ALDH3A1: variants seen among roughly 807,000 people sequenced by gnomAD.
ALDH3A1 encodes aldehyde dehydrogenase 3 family member A1.
A neutral mutation model predicts 49.9 loss-of-function variants in ALDH3A1; 46 were observed. That is an observed-to-expected ratio of 0.92 (90% confidence interval 0.73 to 1.18). The LOEUF is 1.18. Among genes scored for constraint, ALDH3A1 ranks in the 50% most tolerant of loss-of-function variants. The pLI is 0.00. For missense variants in ALDH3A1, 592 were observed against 611.8 expected (o/e 0.97, Z 0.34); for synonymous variants, 269 against 253.3 (o/e 1.06, Z -0.59).
chr17:19,744,743 C>T, intron 2 of ALDH3A1: 1 of 1,358,448 alleles, frequency 7.4e-7, no homozygotes, highest in Non-Finnish European at 9.4e-7. Context: ...GCGGGCGGGA[C>T]GCGGAGGCCG....
intron 9 of ALDH3A1, 83 bp from the exon 10 acceptor site, chr17:19,738,536 C>T (rs1168606171): frequency 6.4e-7 from 1 of 1,555,236 alleles, no homozygotes; most frequent in Non-Finnish European, 8.7e-7. Flanking sequence ...TTGGGTGTAT[C>T]CCAGAACCAC....
At chr17:19,741,411 G>T in intron 5 of ALDH3A1, 1 of 525,186 alleles carries the variant, frequency 1.9e-6, no homozygotes, top group Non-Finnish European at 3.4e-6. Context: ...GGCGACTGGT[G>T]GGGAATTTCT....
In ALDH3A1 at chr17:19,744,997, C is replaced by G; in HGVS notation, c.133G>C (p.Val45Leu). Residue 45 changes from valine to leucine, a missense_variant, in exon 2 of 11, where the codon GTG becomes CTG. Val to Leu is a conservative substitution (Grantham distance 32). Coordinates refer to ENST00000225740, the MANE Select transcript of ALDH3A1 (RefSeq NM_000691.5). ...RLIQEQEQEL[V>L]GALAADLHKN... ...TGCAGGTCTGCGGCCAGCGCGCCCA[C>G]CAGCTCCTGCTCCTGCTCCTGGATC... is the stretch of plus-strand genomic sequence containing the variant. 1 of 1,588,362 alleles carries G rather than the reference C, an allele frequency of 6.3e-7. No homozygotes were observed. The highest frequency in any genetic ancestry group is 8.5e-7 in the Non-Finnish European group (1 of 1,175,816).
In ALDH3A1 at chr17:19,743,168, C is replaced by T. The variant is rs1403946502; in HGVS notation, c.394+64G>A. On this transcript the variant is annotated intron_variant, in intron 3 of 10. Coordinates refer to ENST00000225740, the MANE Select transcript of ALDH3A1 (RefSeq NM_000691.5). The surrounding 1 kb of genome is among the most constrained non-coding windows in gnomAD (Gnocchi z 4.4). ...ACTCTTAACACAGGCCTGAGCCCAT[C>T]CTGGCTTGGCTCCACGCTGGGGGAC... 1 of 1,597,848 alleles carries T rather than the reference C, an allele frequency of 6.3e-7. No homozygotes were observed. Among genetic ancestry groups the T allele is most frequent in the African/African-American group, 1.3e-5 (1 of 74,612 alleles).
In ALDH3A1 at chr17:19,743,809, G is replaced by A. The variant is rs73312707; in HGVS notation, c.163-346C>T. 4.1e-6 allele frequency: 4 copies of A among 973,148 alleles called. No individual in the cohort carries two copies. The highest frequency in any genetic ancestry group is 1.2e-4 in the East Asian group (1 of 8,102). 60.3% of individuals were successfully genotyped at this position (973,148 alleles called of 1,614,324 possible). On this transcript the variant is annotated intron_variant, in intron 2 of 10. Coordinates refer to ENST00000225740, the MANE Select transcript of ALDH3A1 (RefSeq NM_000691.5). This position sits in a 1 kb window ranked among gnomAD's most constrained non-coding sequence, Gnocchi z 4.4. ...AGGCAGTGGGAATGGATCCGGGGAG[G>A]GGGGGATGGATCCGGGGAGGGGGGA...
chr17:19,739,143 C>T (rs368804107), intron 8 of ALDH3A1, 48 bp from the exon 9 acceptor site: 8 of 1,544,660 alleles, frequency 5.2e-6, no homozygotes, highest in Non-Finnish European at 7.1e-6. Flanking sequence ...CCACAGGATG[C>T]CCCAGCCCCC....
chr17:19,742,297 G>C, intron 4 of ALDH3A1, 85 bp from the exon 5 acceptor site: 1 of 1,445,626 alleles, frequency 6.9e-7, no homozygotes, highest in East Asian at 2.3e-5. Flanking sequence ...CAGTGGCCAA[G>C]ACCAGCAGCC....
chr17:19,739,426 A>T (rs2086448365), intron 8 of ALDH3A1, 82 bp downstream of exon 8: 1 of 1,480,276 alleles, frequency 6.8e-7, no homozygotes, highest in Admixed American at 2.0e-5. Flanking sequence ...TCACACAGCC[A>T]GAGAACAGTG....
chr17:19,738,904 G>T, intron 9 of ALDH3A1, 92 bp downstream of exon 9: 2 of 1,155,454 alleles, frequency 1.7e-6, no homozygotes, highest in Non-Finnish European at 2.5e-6. Context: ...CTGCCGCCCG[G>T]GCTGCAGGAG....
chr17:19,743,231 C>A lies in ALDH3A1; in HGVS notation c.394+1G>T, dbSNP rs757328458. Reference sequence around the variant, plus strand: ...GCTTCCCTTCCCACAGGGCCATGCACCTGCAGCGATGGCGCCCACCATGGG... The same window carrying A: ...GCTTCCCTTCCCACAGGGCCATGCAACTGCAGCGATGGCGCCCACCATGGG... On this transcript the variant is annotated splice_donor_variant, in intron 3 of 10. Transcript: ENST00000225740. LOFTEE classifies it high-confidence loss of function. This position sits in a 1 kb window ranked among gnomAD's most constrained non-coding sequence, Gnocchi z 4.4. 6.2e-7 allele frequency: 1 copy of A among 1,613,488 alleles called. No homozygotes were observed. The highest frequency in any genetic ancestry group is 2.2e-5 in the East Asian group (1 of 44,870).
Position 19,748,090 on chromosome 17 carries a change from G to C in ALDH3A1, c.-6+169C>G. 3.9e-6 allele frequency: 1 copy of C among 258,854 alleles called. No individual in the cohort carries two copies. The allele number at this position is 258,854 out of a possible 1,614,324, so 16.0% of individuals were successfully genotyped here. On this transcript the variant is annotated intron_variant, in intron 1 of 10. Transcript: ENST00000225740. The surrounding 1 kb of genome is among the most constrained non-coding windows in gnomAD (Gnocchi z 4.4). The stretch of plus-strand genomic sequence containing the variant: ...TGGGACCTCTGCCTCCTGGTTTGGG[G>C]GATGGCAGAGCTGCCAGAGGTCCAG...
chr17:19,744,551 T>TGAGG, intron 2 of ALDH3A1: 27 of 985,104 alleles, frequency 2.7e-5, no homozygotes, highest in Non-Finnish European at 3.3e-5. Context: ...TTGCTCAGGG[T>TGAGG]GAGGGACGGA....
chr17:19,746,525 A>C (rs1477767461), intron 1 of ALDH3A1, among the ~76,000 whole-genome samples: 1 of 151,894 alleles, frequency 6.6e-6, no homozygotes, highest in Non-Finnish European at 1.5e-5. Flanking sequence ...TTTCAGCGAG[A>C]CTCCATCTAA....
In ALDH3A1 at chr17:19,739,983, G is replaced by A. The variant is rs1439331714; in HGVS notation, c.950-309C>T. Among the ~76,000 whole-genome samples the A allele has an allele frequency of 4.6e-5, 7 of 152,172 alleles. No individual in the cohort carries two copies. The East Asian group carries it at 7.7e-4, about 17-fold the overall frequency. On this transcript the variant is annotated intron_variant, in intron 7 of 10. Coordinates refer to ENST00000225740, the MANE Select transcript of ALDH3A1 (RefSeq NM_000691.5). ...TCTCTTGTCTCCTTGACAAACTCGGGGCCAAGAGGGTCCCATCTGGTGACC... is the reference window on the plus strand; with the variant it reads ...TCTCTTGTCTCCTTGACAAACTCGGAGCCAAGAGGGTCCCATCTGGTGACC...
chr17:19,743,477 G>A lies in ALDH3A1; in HGVS notation c.163-14C>T, dbSNP rs2086541429. On this transcript the variant is annotated splice_polypyrimidine_tract_variant and intron_variant, in intron 2 of 10. Coordinates refer to ENST00000225740, the MANE Select transcript of ALDH3A1 (RefSeq NM_000691.5). The surrounding 1 kb of genome is among the most constrained non-coding windows in gnomAD (Gnocchi z 4.4). The stretch of plus-strand genomic sequence containing the variant: ...GTTCCATTCATTCTGCAGCGACAGA[G>A]CCGGAGTGAGCTTCCAGGGCCAGGG... The A allele has an allele frequency of 1.3e-6, 2 of 1,573,810 alleles. No homozygotes were observed. Among genetic ancestry groups the A allele is most frequent in the Non-Finnish European group, 1.7e-6 (2 of 1,157,060 alleles).
At chr17:19,739,450 A>C (rs887009555) in intron 8 of ALDH3A1, 58 bp downstream of exon 8, 7 of 1,555,848 alleles carry the variant, frequency 4.5e-6, no homozygotes, top group Non-Finnish European at 6.1e-6. Flanking sequence ...CTGCAGTTTG[A>C]ACCCAGGTCT....
intron 5 of ALDH3A1, among the ~76,000 whole-genome samples, chr17:19,741,601 G>T (rs538577979): frequency 1.3e-5 from 2 of 152,250 alleles, no homozygotes; most frequent in East Asian, 1.9e-4. Flanking sequence ...CCCAGACCCC[G>T]AGCAGCGGTG....
Position 19,743,142 on chromosome 17 carries a change from G to A in ALDH3A1, c.394+90C>T, listed in dbSNP as rs758287966. On this transcript the variant is annotated intron_variant, in intron 3 of 10. Coordinates refer to ENST00000225740, the MANE Select transcript of ALDH3A1 (RefSeq NM_000691.5). The surrounding 1 kb of genome is among the most constrained non-coding windows in gnomAD (Gnocchi z 4.4). ...CCAGCAAACCCTTATCTGACCCCAG[G>A]ACTCTTAACACAGGCCTGAGCCCAT... The A allele has an allele frequency of 3.6e-5, 56 of 1,564,854 alleles. No homozygotes were observed. The highest frequency in any genetic ancestry group is 4.1e-5 in the Non-Finnish European group (48 of 1,159,208).
intron 4 of ALDH3A1, 21 bp downstream of exon 4, chr17:19,742,523 GA>G: frequency 6.2e-7 from 1 of 1,606,094 alleles, no homozygotes; most frequent in South Asian, 1.1e-5. Context: ...ATGGAGTTAC[GA>G]GGCCCTGGAG....
Sources: allele counts gnomAD v4.1 joint callset (sites outside exome capture counted in the v4.1 genomes callset), GRCh38; gene constraint gnomAD v4.1.1; non-coding constraint Gnocchi (gnomAD v3.1); transcripts MANE v1.5; gene names NCBI Gene and HGNC (gene_info 2026-07-23, HGNC 2026-07-21).